Variants in RORA observed in about 807,000 individuals in gnomAD.
RORA encodes the protein nuclear receptor ROR-alpha.
A neutral mutation model predicts 69.5 loss-of-function variants in RORA; 7 were observed. The observed-to-expected ratio is 0.10, with a 90% CI of 0.06 to 0.19. The LOEUF is 0.19. Among genes scored for constraint, RORA ranks in the 10% least tolerant of loss-of-function variants. The pLI is 1.00. For synonymous variants in RORA, 261 were observed against 240.8 expected, an observed-to-expected ratio of 1.08 and a Z score of -0.78; for missense variants, 457 against 663.0, an observed-to-expected ratio of 0.69 and a Z score of 3.41.
At chr15:60,558,452 G>C (rs1882314307) in intron 2 of RORA, 2 of 554,088 alleles carry the variant, frequency 3.6e-6, no homozygotes, top group Admixed American at 6.6e-5. Context: ...CCAGAATTCA[G>C]ATCATTAATG....
chr15:60,808,066 T>C (rs932881697), intron 1 of RORA, among the ~76,000 whole-genome samples: 1 of 152,068 alleles, frequency 6.6e-6, no homozygotes, highest in African/African-American at 2.4e-5. Flanking sequence ...AAAACAAAGA[T>C]AAATAGACGG....
chr15:60,516,265 A>G (rs1237843712), intron 3 of RORA, among the ~76,000 whole-genome samples: 1 of 95,624 alleles, frequency 1.0e-5, no homozygotes, highest in Non-Finnish European at 1.9e-5. Context: ...ATATATATTT[A>G]TATATTTTTT....
chr15:61,121,016 T>A (rs1046048547), intron 1 of RORA, among the ~76,000 whole-genome samples: 1 of 151,612 alleles, frequency 6.6e-6, no homozygotes, highest in Non-Finnish European at 1.5e-5. Flanking sequence ...CCCGGCTAAT[T>A]TTTTTGTATT....
chr15:60,779,043 G>A (rs2072215267), intron 1 of RORA, among the ~76,000 whole-genome samples: 1 of 152,160 alleles, frequency 6.6e-6, no homozygotes, highest in Non-Finnish European at 1.5e-5. Flanking sequence ...TCCCAACACT[G>A]TGTGAGGTAT....
At chr15:61,159,186 G>T (rs2079472352) in intron 1 of RORA, among the ~76,000 whole-genome samples, 1 of 152,106 alleles carries the variant, frequency 6.6e-6, no homozygotes, top group Non-Finnish European at 1.5e-5. Flanking sequence ...ATGAAAGGGG[G>T]TTACTTAGCC....
intron 1 of RORA, among the ~76,000 whole-genome samples, chr15:60,854,177 GCTTGAAC>G (rs1425640764): frequency 6.6e-6 from 1 of 152,074 alleles, no homozygotes; most frequent in African/African-American, 2.4e-5. Flanking sequence ...CTGGAGAATC[GCTTGAAC>G]CCAGGAGGCA....
intron 1 of RORA, among the ~76,000 whole-genome samples, chr15:60,777,854 T>C (rs1219489316): frequency 6.6e-6 from 1 of 152,100 alleles, no homozygotes; most frequent in Admixed American, 6.5e-5. Flanking sequence ...GGTGTGCAAA[T>C]ACTATTTCAA....
At chr15:61,051,781 T>C (rs930818906) in intron 1 of RORA, among the ~76,000 whole-genome samples, 2 of 152,194 alleles carry the variant, frequency 1.3e-5, no homozygotes, top group African/African-American at 4.8e-5. Flanking sequence ...TCAAAACATT[T>C]CTTGTGGCCT....
intron 1 of RORA, among the ~76,000 whole-genome samples, chr15:61,202,204 G>A (rs2079901819): frequency 6.6e-6 from 1 of 151,948 alleles, no homozygotes; most frequent in Non-Finnish European, 1.5e-5. Context: ...TAGAGATGGG[G>A]TTTCACCATG....
At chr15:61,081,090 A>G (rs1393167042) in intron 1 of RORA, among the ~76,000 whole-genome samples, 1 of 152,212 alleles carries the variant, frequency 6.6e-6, no homozygotes. Flanking sequence ...TCTGCCCCAC[A>G]GTACATACAT....
intron 1 of RORA, among the ~76,000 whole-genome samples, chr15:60,743,610 T>A (rs766425934): frequency 6.6e-6 from 1 of 152,056 alleles, no homozygotes. Context: ...CTAGTTTGAG[T>A]GAAAGAATGA....
intron 1 of RORA, among the ~76,000 whole-genome samples, chr15:60,856,623 T>C (rs2073383589): frequency 6.6e-6 from 1 of 152,266 alleles, no homozygotes; most frequent in Non-Finnish European, 1.5e-5. Context: ...TTTTACATCA[T>C]GCTTGAATCA....
intron 1 of RORA, among the ~76,000 whole-genome samples, chr15:60,998,318 C>G (rs972251540): frequency 6.6e-6 from 1 of 151,928 alleles, no homozygotes; most frequent in African/African-American, 2.4e-5. Flanking sequence ...CATGTAATAC[C>G]ACACCTGGCT....
At chr15:60,515,957 T>TTATATATATTTATATATATTTA (rs374446786) in intron 3 of RORA, among the ~76,000 whole-genome samples, 1 of 17,588 alleles carries the variant, frequency 5.7e-5, no homozygotes, top group African/African-American at 2.5e-4. Context: ...ATTTATATAT[T>TTATATATATTTATATATATTTA]TATATTTATA....
At chr15:60,699,535 T>A (rs1054710996) in intron 1 of RORA, among the ~76,000 whole-genome samples, 3 of 152,214 alleles carry the variant, frequency 2.0e-5, no homozygotes, top group Admixed American at 2.0e-4. Context: ...AACATTTACA[T>A]GTAGAATCTG....
At chr15:60,917,032 G>T (rs1891892695) in intron 1 of RORA, among the ~76,000 whole-genome samples, 1 of 152,174 alleles carries the variant, frequency 6.6e-6, no homozygotes, top group Non-Finnish European at 1.5e-5. Context: ...AAGCCTTGAA[G>T]AAGTATCCGG....
chr15:61,103,156 T>C (rs1330785289), intron 1 of RORA, among the ~76,000 whole-genome samples: 1 of 152,130 alleles, frequency 6.6e-6, no homozygotes, highest in Non-Finnish European at 1.5e-5. Context: ...AAAGCAATGT[T>C]GTAAGCAACC....
At chr15:60,568,113 G>T (rs1424760610) in intron 2 of RORA, among the ~76,000 whole-genome samples, 7 of 152,232 alleles carry the variant, frequency 4.6e-5, no homozygotes, top group African/African-American at 1.4e-4. Flanking sequence ...AGTGCCCCCA[G>T]TTGAGAACCA....
rs552037472 is a variant in RORA at position 60,518,534 on chromosome 15, C to G, written c.283-3777G>C. Among the ~76,000 whole-genome samples, 12 of 152,360 alleles carry G rather than the reference C, an allele frequency of 7.9e-5. No homozygotes were observed. In the East Asian group the frequency reaches 2.3e-3, roughly 29 times the overall value. On this transcript the variant is annotated intron_variant, in intron 3 of 10. Coordinates refer to ENST00000335670, the MANE Select transcript of RORA (RefSeq NM_134261.3). The stretch of plus-strand genomic sequence containing the variant: ...GCAAACAACCTGCTGTCAGCCACCT[C>G]TCACACAAAACCAAGTGGGCTAGAG...
Sources: allele counts gnomAD v4.1 joint callset (sites outside exome capture counted in the v4.1 genomes callset), GRCh38; gene constraint gnomAD v4.1.1; transcripts MANE v1.5; gene names NCBI Gene and HGNC (gene_info 2026-07-23, HGNC 2026-07-21).